Variants in LTO1 observed in about 807,000 individuals in gnomAD.
LTO1 encodes LTO1 maturation factor of ABCE1, also known as protein LTO1 homolog.
A neutral mutation model predicts 19.8 loss-of-function variants in LTO1; 18 were observed. The ratio of observed to expected loss-of-function variants is 0.91; its 90% CI spans 0.63 to 1.35. LTO1 has a LOEUF of 1.35. Among genes scored for constraint, LTO1 ranks in the 40% most tolerant of loss-of-function variants. LTO1 has a pLI of 0.00. For missense variants in LTO1, 175 were observed against 167.9 expected, an observed-to-expected ratio of 1.04 and a Z score of -0.23; for synonymous variants, 59 against 59.6, an observed-to-expected ratio of 0.99 and a Z score of 0.05.
At chr11:69,673,366 T>C (rs763076179) in intron 1 of LTO1, 45 bp from the exon 2 acceptor site, 1 of 1,303,848 alleles carries the variant, frequency 7.7e-7, no homozygotes, top group Admixed American at 1.7e-5. Flanking sequence ...GGAGAAAGAA[T>C]ACTTTCTCCA....
chr11:69,672,050 G>A lies in LTO1; in HGVS notation c.157-231C>T, dbSNP rs1004366999. The A allele has an allele frequency of 5.9e-6, 3 of 510,594 alleles. No individual in the cohort carries two copies. The East Asian group carries it at 1.1e-4, about 18-fold the overall frequency. 31.6% of individuals were successfully genotyped at this position (510,594 alleles called of 1,614,324 possible). On this transcript the variant is annotated intron_variant, in intron 2 of 4. Transcript: ENST00000279147. Reference sequence around the variant, plus strand: ...TCATCTCCTGGTACCCATGCCCTGTGCAGGTCCCTCGACACTCCACCAGGG... The same window carrying A: ...TCATCTCCTGGTACCCATGCCCTGTACAGGTCCCTCGACACTCCACCAGGG...
At chr11:69,669,407 T>C (rs530508436) in intron 3 of LTO1, among the ~76,000 whole-genome samples, 15 of 152,300 alleles carry the variant, frequency 9.8e-5, no homozygotes, top group Admixed American at 8.5e-4. Flanking sequence ...AAGAGCAAGT[T>C]TGCCAGCAGC....
At chr11:69,673,363 G>T (rs1190345823) in intron 1 of LTO1, 42 bp from the exon 2 acceptor site, 6 of 1,318,328 alleles carry the variant, frequency 4.6e-6, no homozygotes, top group Non-Finnish European at 6.6e-6. Flanking sequence ...ACAGGAGAAA[G>T]AATACTTTCT....
chr11:69,667,795 G>A (rs1856053553), intron 4 of LTO1, 100 bp downstream of exon 4: 1 of 782,062 alleles, frequency 1.3e-6, no homozygotes, highest in East Asian at 2.5e-5. Context: ...GGCGCACGCA[G>A]CCCCAGGCCA....
rs1856045334 is a variant in LTO1 at position 69,667,243 on chromosome 11, T to G, written c.*276A>C. The stretch of plus-strand genomic sequence containing the variant: ...ACTCCAACCCAGAACCAGCTAGGCC[T>G]GTGCTGCCGGAGAGGCTGTCAAGTC... On this transcript the variant is annotated 3_prime_UTR_variant, in exon 5 of 5. Transcript: ENST00000279147. 1 of 490,114 alleles carries G rather than the reference T, an allele frequency of 2.0e-6. No individual in the cohort carries two copies. The highest frequency in any genetic ancestry group is 3.6e-5 in the East Asian group (1 of 28,164). The allele number at this position is 490,114 out of a possible 1,614,324, so 30.4% of individuals were successfully genotyped here. A position where few individuals can be genotyped will look rare whatever the true frequency, so the allele number is the denominator to read the frequency against.
At chr11:69,673,164 T>C (rs143690730) in intron 2 of LTO1, 52 bp downstream of exon 2, 19 of 992,850 alleles carry the variant, frequency 1.9e-5, no homozygotes, top group Non-Finnish European at 3.1e-5. Flanking sequence ...TCGAAATAAA[T>C]TATAAATTGT....
intron 3 of LTO1, among the ~76,000 whole-genome samples, chr11:69,669,603 G>A (rs918968089): frequency 2.0e-5 from 3 of 152,214 alleles, no homozygotes; most frequent in Admixed American, 1.3e-4. Flanking sequence ...CACTTGGCAA[G>A]CGGTTACTTT....
At chr11:69,674,512 C>G in intron 1 of LTO1, 1 of 338,870 alleles carries the variant, frequency 3.0e-6, no homozygotes, top group Non-Finnish European at 5.8e-6. Flanking sequence ...ACTGTGCCTC[C>G]TAGTCTGTAA....
Position 69,673,298 on chromosome 11 carries a change from T to C in LTO1, c.74A>G (p.Glu25Gly), listed in dbSNP as rs1165664118. ...CAAACTACTGCCTTCTTCATAGCCT[T>C]CCCGATACCCTTCCCCATGAAACCT... ...DERFHGEGYREGYEEGSSLGV... is the reference protein window; with the variant it reads ...DERFHGEGYRGGYEEGSSLGV... Residue 25 changes from glutamate to glycine, a missense_variant, in exon 2 of 5, where the codon GAA (glutamate) becomes GGA (glycine). Transcript: ENST00000279147. The C allele has an allele frequency of 6.2e-7, 1 of 1,611,498 alleles. No individual in the cohort carries two copies. The highest frequency in any genetic ancestry group is 8.5e-7 in the Non-Finnish European group (1 of 1,177,630).
intron 3 of LTO1, among the ~76,000 whole-genome samples, chr11:69,671,191 G>A (rs1294500915): frequency 2.0e-5 from 3 of 152,194 alleles, no homozygotes; most frequent in Non-Finnish European, 2.9e-5. Context: ...GAGCCACTGC[G>A]CCCGGCCGAG....
chr11:69,674,875 A>C (rs1204567424), intron 1 of LTO1: 2 of 635,070 alleles, frequency 3.1e-6, no homozygotes. Context: ...CAGATGGCAA[A>C]GGTCTGTCCT....
intron 3 of LTO1, among the ~76,000 whole-genome samples, chr11:69,670,715 C>A (rs1055531996): frequency 4.6e-5 from 7 of 152,318 alleles, no homozygotes; most frequent in Admixed American, 4.6e-4. Context: ...GCCCCTCCCA[C>A]GCTAGGCAAG....
At chr11:69,667,776 C>T in intron 4 of LTO1, 119 bp downstream of exon 4, 1 of 733,800 alleles carries the variant, frequency 1.4e-6, no homozygotes, top group Non-Finnish European at 2.4e-6. Context: ...CCTCTACGGA[C>T]AGTTCCGCGG....
At chr11:69,669,491 G>A (rs1290833782) in intron 3 of LTO1, among the ~76,000 whole-genome samples, 1 of 152,214 alleles carries the variant, frequency 6.6e-6, no homozygotes, top group Non-Finnish European at 1.5e-5. Flanking sequence ...AAGCAAGTCA[G>A]TTTTAGCAAC....
At position 69,667,913 on chromosome 11, in the gene LTO1, G is replaced by C. The variant is rs767256360; in HGVS notation, c.327C>G (p.Ile109Met). The C allele has an allele frequency of 2.0e-5, 31 of 1,535,448 alleles. No individual in the cohort carries two copies. Among genetic ancestry groups the C allele is most frequent in the Non-Finnish European group, 2.7e-5 (30 of 1,108,238 alleles). Residue 109 changes from isoleucine (I) to methionine (M), a missense_variant, in exon 4 of 5, where the codon ATC (isoleucine) becomes ATG (methionine). By Grantham distance (10) the Ile-to-Met change is conservative. Coordinates refer to ENST00000279147, the MANE Select transcript of LTO1 (RefSeq NM_153451.3). ...CACGCACCTGTTTAAATTTTCCTCT[G>C]ATCTTGTCTAAGTCTTCATGGAGTT... The part of the protein sequence containing the change: ...YDKLHEDLDK[I>M]RGKFKQFCSL...
chr11:69,673,911 C>G (rs1856149194), intron 1 of LTO1, among the ~76,000 whole-genome samples: 1 of 152,092 alleles, frequency 6.6e-6, no homozygotes, highest in African/African-American at 2.4e-5. Context: ...GGCTGGAGTG[C>G]AGTGGTGCGA....
chr11:69,675,150 A>G (rs1856171732), intron 1 of LTO1, 40 bp downstream of exon 1: 1 of 1,581,344 alleles, frequency 6.3e-7, no homozygotes, highest in Non-Finnish European at 8.6e-7. Context: ...CTGGGAGACG[A>G]CCAGACAGGG....
At chr11:69,668,046 G>T (rs765129831) in intron 3 of LTO1, 34 bp from the exon 4 acceptor site, 2 of 1,060,200 alleles carry the variant, frequency 1.9e-6, no homozygotes. Context: ...TCTCAGTCAT[G>T]TGCACACAAC....
Position 69,673,271 on chromosome 11 carries a change from C to T in LTO1, c.101G>A (p.Gly34Asp), listed in dbSNP as rs145159179. The T allele has an allele frequency of 1.2e-6, 2 of 1,613,954 alleles. No homozygotes were observed. The highest frequency in any genetic ancestry group is 1.7e-6 in the Non-Finnish European group (2 of 1,179,790). ...REGYEEGSSL[G>D]VMEGRQHGTL... ...GCCATGCTGCCTTCCCTCCATCACA[C>T]CCAAACTACTGCCTTCTTCATAGCC... is the stretch of plus-strand genomic sequence containing the variant. Residue 34 changes from glycine (G) to aspartate (D), a missense_variant, in exon 2 of 5, where the codon GGT (glycine) becomes GAT (aspartate). Coordinates refer to ENST00000279147, the MANE Select transcript of LTO1 (RefSeq NM_153451.3).
Sources: allele counts gnomAD v4.1 joint callset (sites outside exome capture counted in the v4.1 genomes callset), GRCh38; gene constraint gnomAD v4.1.1; transcripts MANE v1.5; gene names NCBI Gene and HGNC (gene_info 2026-07-23, HGNC 2026-07-21).